The following ACER3 variants were observed in gnomAD, a reference collection of about 807,000 sequenced individuals.
ACER3 encodes the protein alkaline ceramidase 3, also known as alkCDase 3.
A neutral mutation model predicts 48.9 loss-of-function variants in ACER3; 16 were observed. That is an observed-to-expected ratio of 0.33 (90% CI 0.22 to 0.50). The LOEUF is 0.50. Among genes scored for constraint, ACER3 ranks in the 20% least tolerant of loss-of-function variants. The pLI is 0.98. For missense variants in ACER3, 227 were observed against 326.0 expected (o/e 0.70, Z 2.34); for synonymous variants, 109 against 107.8 (o/e 1.01, Z -0.07).
chr11:76,868,373 ATATC>A (rs1376801249), intron 1 of ACER3: 3 of 725,094 alleles, frequency 4.1e-6, no homozygotes, highest in African/African-American at 4.7e-5. Context: ...TTTAGTTTTA[ATATC>A]TCTCTCTCTC....
rs182768932 is a variant in ACER3 at position 76,873,801 on chromosome 11, G to A, written c.103+12722G>A. Among the ~76,000 whole-genome samples, 75 of 152,148 alleles carry A rather than the reference G, an allele frequency of 4.9e-4. 1 individual carries two copies. The highest frequency in any genetic ancestry group is 1.8e-3 in the Admixed American group (28 of 15,274). ...TGTGGTGTGTGTATGTGTAAATAAG[G>A]ACAGTACAATTCCTCAAACAGTAAT... On this transcript the variant is annotated intron_variant, in intron 1 of 10. Transcript: ENST00000532485.
At chr11:76,968,552 G>C (rs1948203424) in intron 3 of ACER3, among the ~76,000 whole-genome samples, 1 of 152,122 alleles carries the variant, frequency 6.6e-6, no homozygotes, top group Non-Finnish European at 1.5e-5. Context: ...ATACTACAAG[G>C]CTACAGTAAC....
chr11:76,937,435 T>C (rs1286581644), intron 2 of ACER3, among the ~76,000 whole-genome samples: 2 of 152,232 alleles, frequency 1.3e-5, no homozygotes, highest in African/African-American at 2.4e-5. Flanking sequence ...GTAGTAGTAT[T>C]TGTAATTACA....
intron 2 of ACER3, among the ~76,000 whole-genome samples, chr11:76,952,936 G>T (rs1947724063): frequency 6.6e-6 from 1 of 152,070 alleles, no homozygotes; most frequent in Admixed American, 6.5e-5. Context: ...AAAGTGCTGG[G>T]ATTACAAGTG....
chr11:76,963,651 A>G (rs1338954059), intron 3 of ACER3, among the ~76,000 whole-genome samples: 2 of 151,422 alleles, frequency 1.3e-5, no homozygotes, highest in Non-Finnish European at 2.9e-5. Flanking sequence ...GGATCTTACC[A>G]GCCCAAAGAC....
Position 76,926,665 on chromosome 11 carries a change from C to T in ACER3, c.212C>T (p.Thr71Ile). 1 of 1,560,716 alleles carries T rather than the reference C, an allele frequency of 6.4e-7. No homozygotes were observed. Among genetic ancestry groups the T allele is most frequent in the Non-Finnish European group, 8.8e-7 (1 of 1,131,048 alleles). ...TACATTGCTTCTTATTTAGCACTCA[C>T]AGGTATGTATAACACTGTATCTGAA... ...KRYIASYLAL[T>I]VVGMGSWCFH... The change falls in exon 2 of 11, where the codon ACA (threonine) becomes ATA (isoleucine). Residue 71 changes from threonine (T) to isoleucine (I), a missense_variant and splice_region_variant. Thr to Ile is a moderately conservative substitution (Grantham distance 89, BLOSUM62 -1). Coordinates refer to ENST00000532485, the MANE Select transcript of ACER3 (RefSeq NM_018367.7).
intron 7 of ACER3, among the ~76,000 whole-genome samples, chr11:77,002,213 C>G (rs1019039178): frequency 6.6e-5 from 10 of 152,162 alleles, no homozygotes; most frequent in Non-Finnish European, 1.5e-4. Flanking sequence ...ATATGAATAT[C>G]AGAGGAAACA....
intron 2 of ACER3, among the ~76,000 whole-genome samples, chr11:76,937,641 A>G (rs1025373847): frequency 1.3e-5 from 2 of 152,232 alleles, no homozygotes; most frequent in Admixed American, 1.3e-4. Context: ...GAAAATATAC[A>G]CATTACTTAT....
At chr11:76,911,114 G>A (rs931767748) in intron 1 of ACER3, among the ~76,000 whole-genome samples, 1 of 152,150 alleles carries the variant, frequency 6.6e-6, no homozygotes, top group Admixed American at 6.5e-5. Context: ...CATGTAAATC[G>A]AAAGCAAGTT....
chr11:76,991,685 G>A (rs1158144613), intron 6 of ACER3, among the ~76,000 whole-genome samples: 4 of 151,494 alleles, frequency 2.6e-5, no homozygotes, highest in East Asian at 3.9e-4. Context: ...GCATGGTGGC[G>A]TGCACCTGTA....
intron 1 of ACER3, among the ~76,000 whole-genome samples, chr11:76,915,208 TAAA>T (rs1946493307): frequency 6.7e-6 from 1 of 148,896 alleles, no homozygotes; most frequent in Non-Finnish European, 1.5e-5. Context: ...GAAAAATAAA[TAAA>T]TAAGTTAAAA....
At chr11:76,914,127 A>C (rs1398680700) in intron 1 of ACER3, among the ~76,000 whole-genome samples, 3 of 152,254 alleles carry the variant, frequency 2.0e-5, no homozygotes, top group Non-Finnish European at 4.4e-5. Context: ...AGCATTCAGG[A>C]CATAGGCATG....
intron 4 of ACER3, 46 bp from the exon 5 acceptor site, chr11:76,985,597 C>A: frequency 8.3e-7 from 1 of 1,202,900 alleles, no homozygotes; most frequent in Non-Finnish European, 1.2e-6. Context: ...ATTTATGTTC[C>A]TACTTATATA....
chr11:76,897,930 A>G (rs189455675), intron 1 of ACER3, among the ~76,000 whole-genome samples: 184 of 152,362 alleles, frequency 1.2e-3, no homozygotes, highest in Admixed American at 2.7e-3. Flanking sequence ...TTCTTTATGT[A>G]AATTCCATTT....
intron 3 of ACER3, among the ~76,000 whole-genome samples, chr11:76,967,909 C>T (rs1948182256): frequency 1.3e-5 from 2 of 151,922 alleles, no homozygotes; most frequent in African/African-American, 4.8e-5. Flanking sequence ...TCTCACCACT[C>T]CTATTCAACA....
chr11:76,968,321 T>C (rs916051157), intron 3 of ACER3, among the ~76,000 whole-genome samples: 5 of 151,988 alleles, frequency 3.3e-5, no homozygotes, highest in African/African-American at 1.2e-4. Flanking sequence ...GAACATTCCA[T>C]GCTCATGGGT....
chr11:76,977,821 T>C (rs561823290), intron 4 of ACER3, among the ~76,000 whole-genome samples: 1 of 152,288 alleles, frequency 6.6e-6, no homozygotes, highest in East Asian at 1.9e-4. Flanking sequence ...ATCCCTGCAC[T>C]CTTGGAGTTC....
At chr11:76,959,055 A>G (rs972866216) in intron 3 of ACER3, 24 bp downstream of exon 3, 1 of 1,613,622 alleles carries the variant, frequency 6.2e-7, no homozygotes, top group African/African-American at 1.3e-5. Flanking sequence ...AAATTGACAA[A>G]TGCTTATTTC....
In ACER3 at chr11:77,020,533, C is replaced by A; in HGVS notation, c.*206C>A. The A allele has an allele frequency of 1.8e-6, 1 of 540,754 alleles. No individual in the cohort carries two copies. The highest frequency in any genetic ancestry group is 3.3e-6 in the Non-Finnish European group (1 of 304,184). 33.5% of individuals were successfully genotyped at this position (540,754 alleles called of 1,614,324 possible). On this transcript the variant is annotated 3_prime_UTR_variant, in exon 11 of 11. Coordinates refer to ENST00000532485, the MANE Select transcript of ACER3 (RefSeq NM_018367.7). ...TCATGGCTTTATCTTATTTGTCCCC[C>A]TCCTCCTTTCACGCTCCAGTTTATA...
Sources: allele counts gnomAD v4.1 joint callset (sites outside exome capture counted in the v4.1 genomes callset), GRCh38; gene constraint gnomAD v4.1.1; transcripts MANE v1.5; gene names NCBI Gene and HGNC (gene_info 2026-07-23, HGNC 2026-07-21).